The following SI variants were observed in gnomAD, a reference collection of about 807,000 sequenced individuals.
SI encodes sucrase-isomaltase.
In SI, 235 loss-of-function variants were observed where a neutral mutation model predicts 253.3. The ratio of observed to expected loss-of-function variants is 0.93; its 90% CI spans 0.83 to 1.03. The LOEUF (loss-of-function observed/expected upper bound fraction) is 1.03. Ranked by LOEUF, SI falls within the 50% of genes least tolerant of loss-of-function variation. SI has a pLI of 0.00. For missense variants in SI, 2,442 were observed against 2,211.1 expected, an observed-to-expected ratio of 1.10 and a Z score of -2.09; for synonymous variants, 819 against 712.0, an observed-to-expected ratio of 1.15 and a Z score of -2.39.
intron 44 of SI, among the ~76,000 whole-genome samples, chr3:164,990,157 C>T (rs1449850727): frequency 6.6e-6 from 1 of 152,008 alleles, no homozygotes; most frequent in Admixed American, 6.6e-5. Flanking sequence ...AGAGGCTATG[C>T]ATGTGTGGGC....
At chr3:165,026,819 C>T (rs1817265) in intron 25 of SI, among the ~76,000 whole-genome samples, 108,453 of 150,938 alleles carry the variant, frequency 0.72, 40,109 homozygotes, top group East Asian at 0.85. Context: ...ATACAACATA[C>T]GCAGTACTAA....
At chr3:165,036,247 T>C in intron 22 of SI, 142 bp downstream of exon 22, 1 of 637,282 alleles carries the variant, frequency 1.6e-6, no homozygotes, top group East Asian at 2.9e-5. Flanking sequence ...TAAAGTAGCC[T>C]AAAAGCCTGA....
chr3:165,040,453 C>T lies in SI; in HGVS notation c.2160-482G>A, dbSNP rs142468874. Among the ~76,000 whole-genome samples, 373 of 152,118 alleles carry T rather than the reference C, an allele frequency of 2.5e-3. 1 individual carries two copies. The highest frequency in any genetic ancestry group is 8.1e-3 in the South Asian group (39 of 4,828). ...GGTTCATAAAGTATCGGAAATCTTT[C>T]ATGTTCTACTTTCTTCACTTAACTT... is the stretch of plus-strand genomic sequence containing the variant. On this transcript the variant is annotated intron_variant, in intron 18 of 47. Transcript: ENST00000264382.
At chr3:164,997,266 G>C (rs1225592323) in intron 38 of SI, among the ~76,000 whole-genome samples, 1 of 151,348 alleles carries the variant, frequency 6.6e-6, no homozygotes, top group East Asian at 1.9e-4. Flanking sequence ...TTATTTTAAA[G>C]GAATATTTCT....
At chr3:165,023,373 AAGTT>A (rs368266445) in intron 26 of SI, among the ~76,000 whole-genome samples, 193 bp downstream of exon 26, 44 of 151,568 alleles carry the variant, frequency 2.9e-4, no homozygotes, top group African/African-American at 9.7e-4. Flanking sequence ...ATTAATCACA[AAGTT>A]AGCAGGAATG....
intron 44 of SI, 53 bp downstream of exon 44, chr3:164,991,300 C>T (rs112542537): frequency 2.5e-6 from 4 of 1,602,530 alleles, no homozygotes; most frequent in Admixed American, 1.7e-5. Flanking sequence ...CTTAACAATG[C>T]TAGCATGATG....
chr3:165,005,049 G>T (rs1718438176), intron 37 of SI, among the ~76,000 whole-genome samples: 1 of 152,114 alleles, frequency 6.6e-6, no homozygotes, highest in African/African-American at 2.4e-5. Flanking sequence ...CATGTAAGAT[G>T]CACCTTGCTT....
intron 47 of SI, among the ~76,000 whole-genome samples, chr3:164,981,420 TA>T (rs904586438): frequency 2.6e-5 from 4 of 152,116 alleles, no homozygotes; most frequent in Admixed American, 1.3e-4. Flanking sequence ...CATATATATA[TA>T]TTTTTTTAGG....
Position 165,009,409 on chromosome 3 carries a change from AT to A in SI, c.4063-15del. 2 of 1,439,732 alleles carry A rather than the reference AT, an allele frequency of 1.4e-6. No individual in the cohort carries two copies. Among genetic ancestry groups the A allele is most frequent in the Non-Finnish European group, 2.0e-6 (2 of 1,021,084 alleles). The allele number at this position is 1,439,732 out of a possible 1,614,324, so 89.2% of individuals were successfully genotyped here. A position where few individuals can be genotyped will look rare whatever the true frequency, so the allele number is the denominator to read the frequency against. ...AGCTCTGGAAGCCTGTAAAACCAAAATTTAGGCTCACATGTGGAAAGTCTTA... is the reference window on the plus strand; with the variant it reads ...AGCTCTGGAAGCCTGTAAAACCAAAATTAGGCTCACATGTGGAAAGTCTTA... On this transcript the variant is annotated splice_polypyrimidine_tract_variant and intron_variant, in intron 34 of 47. Coordinates refer to ENST00000264382, the MANE Select transcript of SI (RefSeq NM_001041.4).
At position 165,036,485 on chromosome 3, in the gene SI, G is replaced by A; in HGVS notation, c.2427-8C>T. On this transcript the variant is annotated splice_region_variant and splice_polypyrimidine_tract_variant and intron_variant, in intron 21 of 47. Transcript: ENST00000264382. ...CCTAGAGGATTCTTACGGCTGTTAA[G>A]AAAAATTAGGTGCATATATGGTTAA... 6.3e-7 allele frequency: 1 copy of A among 1,589,332 alleles called. No individual in the cohort carries two copies. The highest frequency in any genetic ancestry group is 8.6e-7 in the Non-Finnish European group (1 of 1,158,690).
intron 34 of SI, among the ~76,000 whole-genome samples, chr3:165,012,486 T>C (rs1159590911): frequency 2.0e-5 from 3 of 152,180 alleles, no homozygotes; most frequent in South Asian, 2.1e-4. Context: ...TGGAGTGCAG[T>C]GGTGCGATCT....
chr3:165,011,864 G>A (rs1018686195), intron 34 of SI, among the ~76,000 whole-genome samples: 3 of 151,016 alleles, frequency 2.0e-5, no homozygotes, highest in Admixed American at 2.0e-4. Flanking sequence ...TCTCATTTCA[G>A]TTCTGTTAAT....
intron 26 of SI, among the ~76,000 whole-genome samples, chr3:165,021,674 G>A (rs1042331775): frequency 6.6e-6 from 1 of 151,548 alleles, no homozygotes; most frequent in Non-Finnish European, 1.5e-5. Context: ...ATATTCTGTT[G>A]TATGGGTATA....
intron 44 of SI, among the ~76,000 whole-genome samples, chr3:164,988,951 G>A (rs1351141905): frequency 6.6e-6 from 1 of 151,972 alleles, no homozygotes; most frequent in Non-Finnish European, 1.5e-5. Flanking sequence ...AGAAATCTGG[G>A]ATAGCCTTCA....
chr3:165,036,233 GT>G (rs1471752683), intron 22 of SI, among the ~76,000 whole-genome samples, 155 bp downstream of exon 22: 3 of 151,710 alleles, frequency 2.0e-5, no homozygotes, highest in Non-Finnish European at 4.4e-5. Flanking sequence ...AATGTTAAAA[GT>G]TTTAAAGTAG....
At position 165,030,828 on chromosome 3, in the gene SI, T is replaced by C; in HGVS notation, c.2776A>G (p.Asn926Asp). 1 of 1,603,078 alleles carries C rather than the reference T, an allele frequency of 6.2e-7. No individual in the cohort carries two copies. The highest frequency in any genetic ancestry group is 8.5e-7 in the Non-Finnish European group (1 of 1,174,996). Reference sequence around the variant, plus strand: ...ATTTGATTCCATTGAACACTAAAGTTTCTTCCAAGATTAAGTTTGAGATCT... The same window carrying C: ...ATTTGATTCCATTGAACACTAAAGTCTCTTCCAAGATTAAGTTTGAGATCT... The part of the protein sequence containing the change: ...IADLKLNLGR[N>D]FSVQWNQIFS... Residue 926 changes from asparagine (N) to aspartate (D), a missense_variant, in exon 25 of 48, where the codon AAC becomes GAC. Asn to Asp is a conservative substitution (Grantham distance 23). Coordinates refer to ENST00000264382, the MANE Select transcript of SI (RefSeq NM_001041.4).
chr3:165,023,318 A>G (rs1711723835), intron 26 of SI, among the ~76,000 whole-genome samples: 1 of 151,516 alleles, frequency 6.6e-6, no homozygotes, highest in Admixed American at 6.6e-5. Flanking sequence ...TAAATGACTT[A>G]TGTATTTTGT....
chr3:165,058,894 C>CACATA, intron 12 of SI, 69 bp downstream of exon 12: 1 of 749,358 alleles, frequency 1.3e-6, no homozygotes, highest in Non-Finnish European at 2.0e-6. Flanking sequence ...ACACGCACAT[C>CACATA]CACAGAAACT....
chr3:165,072,588 T>C (rs930545753), intron 3 of SI, among the ~76,000 whole-genome samples: 6 of 152,058 alleles, frequency 3.9e-5, no homozygotes, highest in Non-Finnish European at 1.5e-5. Context: ...TTTCCTATAA[T>C]AGAAAAATGC....
Sources: gnomAD v4.1 joint callset for allele counts (sites outside exome capture counted in the v4.1 genomes callset) on GRCh38, gnomAD v4.1.1 for gene constraint, MANE v1.5 for transcripts, NCBI Gene and HGNC (gene_info 2026-07-23, HGNC 2026-07-21) for gene names.